Variants in KIF2C observed in about 807,000 individuals in gnomAD.
KIF2C encodes kinesin family member 2C.
A neutral mutation model predicts 97.4 loss-of-function variants in KIF2C; 34 were observed. That is an observed-to-expected ratio of 0.35 (90% CI 0.27 to 0.46). KIF2C has a LOEUF of 0.46. Ranked by LOEUF, KIF2C falls within the 20% of genes least tolerant of loss-of-function variation. KIF2C has a pLI of 1.00. For missense variants in KIF2C, 750 were observed against 907.6 expected, an observed-to-expected ratio of 0.83 and a Z score of 2.23; for synonymous variants, 313 against 318.2, an observed-to-expected ratio of 0.98 and a Z score of 0.17.
At chr1:44,757,221 G>C (rs1057278609) in intron 10 of KIF2C, among the ~76,000 whole-genome samples, 2 of 152,126 alleles carry the variant, frequency 1.3e-5, no homozygotes, top group African/African-American at 4.8e-5. Flanking sequence ...CCAGCCAGTA[G>C]TGTCTCTTCT....
At chr1:44,761,348 G>A (rs1052013359) in intron 16 of KIF2C, among the ~76,000 whole-genome samples, 3 of 152,148 alleles carry the variant, frequency 2.0e-5, no homozygotes, top group South Asian at 4.1e-4. Context: ...GCTCACGCCT[G>A]TAATCCCAGC....
chr1:44,743,932 C>T (rs1441070076), intron 2 of KIF2C, among the ~76,000 whole-genome samples: 2 of 152,188 alleles, frequency 1.3e-5, no homozygotes, highest in East Asian at 1.9e-4. Flanking sequence ...CCTAAAATTC[C>T]TTTCAACCAG....
intron 4 of KIF2C, among the ~76,000 whole-genome samples, chr1:44,748,104 A>G (rs572540220): frequency 1.3e-5 from 2 of 152,278 alleles, no homozygotes; most frequent in South Asian, 2.1e-4. Flanking sequence ...GTGGCGCTAT[A>G]GAGAGGGATG....
intron 19 of KIF2C, 124 bp from the exon 20 acceptor site, chr1:44,766,702 C>G: frequency 3.0e-6 from 3 of 987,962 alleles, no homozygotes; most frequent in Non-Finnish European, 4.4e-6. Context: ...GGTGAACAGC[C>G]AGGGTATGGG....
At chr1:44,749,068 G>A (rs1255959047) in intron 4 of KIF2C, among the ~76,000 whole-genome samples, 1 of 152,136 alleles carries the variant, frequency 6.6e-6, no homozygotes, top group Non-Finnish European at 1.5e-5. Context: ...GGGCCAAGGT[G>A]GGCAGATCAC....
At chr1:44,752,972 G>A (rs1163235171) in intron 5 of KIF2C, among the ~76,000 whole-genome samples, 160 bp from the exon 6 acceptor site, 2 of 152,204 alleles carry the variant, frequency 1.3e-5, no homozygotes, top group African/African-American at 4.8e-5. Context: ...AAGGGTGAGA[G>A]TGTGGGCTGA....
chr1:44,741,632 C>A (rs1444592065), intron 2 of KIF2C, among the ~76,000 whole-genome samples: 1 of 151,952 alleles, frequency 6.6e-6, no homozygotes, highest in Non-Finnish European at 1.5e-5. Flanking sequence ...CTGCACTGAA[C>A]CATGATCGAG....
chr1:44,739,848 G>A lies in KIF2C; in HGVS notation c.-85G>A. 7.9e-7 allele frequency: 1 copy of A among 1,264,996 alleles called. No individual in the cohort carries two copies. The highest frequency in any genetic ancestry group is 1.5e-5 in the African/African-American group (1 of 67,970). 78.4% of individuals were successfully genotyped at this position (1,264,996 alleles called of 1,614,324 possible). A position where few individuals can be genotyped will look rare whatever the true frequency, so the allele number is the denominator to read the frequency against. On this transcript the variant is annotated 5_prime_UTR_variant, in exon 1 of 21. Coordinates refer to ENST00000372224, the MANE Select transcript of KIF2C (RefSeq NM_006845.4). Reference sequence around the variant, plus strand: ...TGCGCGCGGGATTTAAACTGCGGCGGTTTACGCGGCGTTAAGACTTCGTAG... The same window carrying A: ...TGCGCGCGGGATTTAAACTGCGGCGATTTACGCGGCGTTAAGACTTCGTAG...
chr1:44,758,790 C>T (rs1649980010), intron 13 of KIF2C, among the ~76,000 whole-genome samples: 1 of 152,090 alleles, frequency 6.6e-6, no homozygotes, highest in African/African-American at 2.4e-5. Context: ...GCAGGAGAAT[C>T]GCTTGAATCC....
At chr1:44,748,885 G>A (rs1649362164) in intron 4 of KIF2C, among the ~76,000 whole-genome samples, 1 of 151,802 alleles carries the variant, frequency 6.6e-6, no homozygotes, top group Admixed American at 6.6e-5. Context: ...TCGCTTTGTT[G>A]CCTAAGCTGG....
chr1:44,751,507 C>CCTT (rs1649512495), intron 5 of KIF2C, among the ~76,000 whole-genome samples: 1 of 125,670 alleles, frequency 8.0e-6, no homozygotes, highest in African/African-American at 2.9e-5. Flanking sequence ...TCTTTTTGTA[C>CCTT]TTTTTTTTTT....
chr1:44,753,564 A>G (rs1649642357), intron 6 of KIF2C, among the ~76,000 whole-genome samples, 169 bp from the exon 7 acceptor site: 1 of 152,214 alleles, frequency 6.6e-6, no homozygotes, highest in Non-Finnish European at 1.5e-5. Context: ...CCCGAGAGTC[A>G]CATCTATTAC....
At chr1:44,767,053 C>T in intron 20 of KIF2C, 44 bp from the exon 21 acceptor site, 1 of 1,608,812 alleles carries the variant, frequency 6.2e-7, no homozygotes, top group Non-Finnish European at 8.5e-7. Context: ...GGGGGCTCCT[C>T]AGACTCTCAC....
chr1:44,758,878 A>AAAT (rs916933154), intron 13 of KIF2C, among the ~76,000 whole-genome samples: 34 of 152,148 alleles, frequency 2.2e-4, no homozygotes, highest in African/African-American at 7.9e-4. Flanking sequence ...CTCCGTCTCA[A>AAAT]AATAATAATA....
At chr1:44,747,621 A>G in intron 3 of KIF2C, 31 bp from the exon 4 acceptor site, 1 of 1,611,438 alleles carries the variant, frequency 6.2e-7, no homozygotes, top group Non-Finnish European at 8.5e-7. Flanking sequence ...GATAAGAGCC[A>G]TATATTGTGA....
chr1:44,764,168 A>T (rs1358595012), intron 19 of KIF2C, among the ~76,000 whole-genome samples: 3 of 151,406 alleles, frequency 2.0e-5, no homozygotes, highest in African/African-American at 7.3e-5. Context: ...CAAAATATGT[A>T]CTCTCTCTCT....
chr1:44,746,630 A>G (rs1329712089), intron 2 of KIF2C: 40 of 1,496,220 alleles, frequency 2.7e-5, no homozygotes, highest in Non-Finnish European at 3.5e-5. Flanking sequence ...TCAGCAGGGG[A>G]GCCAAGTGGC....
At chr1:44,753,292 G>T (rs1387159180) in intron 6 of KIF2C, 38 bp downstream of exon 6, 1 of 1,589,968 alleles carries the variant, frequency 6.3e-7, no homozygotes, top group East Asian at 2.3e-5. Context: ...TGCTTCTAGT[G>T]AGGCACAGAT....
At chr1:44,753,354 C>A in intron 6 of KIF2C, 100 bp downstream of exon 6, 1 of 1,341,570 alleles carries the variant, frequency 7.5e-7, no homozygotes, top group South Asian at 1.5e-5. Context: ...AGTTCAAGCC[C>A]TGTTTGTCAC....
Sources: gnomAD v4.1 joint callset for allele counts (sites outside exome capture counted in the v4.1 genomes callset) on GRCh38, gnomAD v4.1.1 for gene constraint, MANE v1.5 for transcripts, NCBI Gene and HGNC (gene_info 2026-07-23, HGNC 2026-07-21) for gene names.